ABHD14A: variants seen among roughly 807,000 people sequenced by gnomAD.
ABHD14A encodes protein ABHD14A.
Under a neutral mutation model 27.0 loss-of-function variants are expected in ABHD14A, and 19 were observed. The observed-to-expected ratio is 0.70, with a 90% confidence interval of 0.49 to 1.03. ABHD14A has a LOEUF of 1.03. Ranked by LOEUF, ABHD14A falls within the 50% of genes least tolerant of loss-of-function variation. The pLI is 0.00. For synonymous variants in ABHD14A, 148 were observed against 158.8 expected (o/e 0.93, Z 0.51); for missense variants, 311 against 344.6 (o/e 0.90, Z 0.77).
chr3:51,978,209 G>C (rs200892968), intron 2 of ABHD14A, 50 bp from the exon 3 acceptor site: 1 of 1,532,960 alleles, frequency 6.5e-7, no homozygotes, highest in East Asian at 2.5e-5. Flanking sequence ...AATAAAGAAA[G>C]GTGGGCTACA....
Position 51,975,221 on chromosome 3 carries a change from AG to A in ABHD14A, c.69+20del. On this transcript the variant is annotated intron_variant, in intron 1 of 4. Transcript: ENST00000273596. ...TTGGGCCCGGTGAGTCTCCCGGGGG[AG>A]GGAGGCCGGCCGGTGGCCCAGGGGA... 8.0e-7 allele frequency: 1 copy of A among 1,249,034 alleles called. No homozygotes were observed. Among genetic ancestry groups the A allele is most frequent in the East Asian group, 3.2e-5 (1 of 31,598 alleles). The allele number at this position is 1,249,034 out of a possible 1,614,324, so 77.4% of individuals were successfully genotyped here. A position where few individuals can be genotyped will look rare whatever the true frequency, so the allele number is the denominator to read the frequency against.
Position 51,980,874 on chromosome 3 carries a change from C to T in ABHD14A, c.672C>T (p.Ile224=). ...TLILYGELDH[I]LARESLRQLR... is the part of the protein sequence containing the mutation. ...TCCTGTATGGAGAGCTGGACCACATCCTGGCTCGAGAGTCACTGCGGCAGC... is the reference window on the plus strand; with the variant it reads ...TCCTGTATGGAGAGCTGGACCACATTCTGGCTCGAGAGTCACTGCGGCAGC... Residue 224 remains isoleucine, a synonymous_variant, in exon 5 of 5, where the codon ATC becomes ATT. Transcript: ENST00000273596. 2 of 1,614,142 alleles carry T rather than the reference C, an allele frequency of 1.2e-6. No homozygotes were observed. The highest frequency in any genetic ancestry group is 1.7e-6 in the Non-Finnish European group (2 of 1,180,018).
rs748322530 is a variant in ABHD14A at position 51,980,855 on chromosome 3, A to C, written c.653A>C (p.Tyr218Ser). 6.8e-6 allele frequency: 11 copies of C among 1,613,986 alleles called. No individual in the cohort carries two copies. The highest frequency in any genetic ancestry group is 9.3e-6 in the Non-Finnish European group (11 of 1,179,948). Residue 218 changes from tyrosine to serine, a missense_variant, in exon 5 of 5, where the codon TAT (tyrosine) becomes TCT (serine). Physicochemically the swap from Tyr to Ser is moderately radical, Grantham distance 144. Coordinates refer to ENST00000273596, the MANE Select transcript of ABHD14A (RefSeq NM_015407.5). ...WAVKTPTLILYGELDHILARE... is the reference protein window; with the variant it reads ...WAVKTPTLILSGELDHILARE... Reference sequence around the variant, plus strand: ...CTGCAGACTCCAACCCTTATCCTGTATGGAGAGCTGGACCACATCCTGGCT... The same window carrying C: ...CTGCAGACTCCAACCCTTATCCTGTCTGGAGAGCTGGACCACATCCTGGCT...
chr3:51,978,461 G>A (rs1451722373), intron 3 of ABHD14A, 87 bp downstream of exon 3: 5 of 944,914 alleles, frequency 5.3e-6, no homozygotes, highest in African/African-American at 5.0e-5. Context: ...GCCGTGGCAG[G>A]TCACAACATA....
chr3:51,979,481 G>GT (rs1233416677), intron 3 of ABHD14A, among the ~76,000 whole-genome samples: 55 of 143,830 alleles, frequency 3.8e-4, no homozygotes, highest in South Asian at 8.8e-4. Context: ...TTCTTTTTTT[G>GT]TTTTTTGTTT....
intron 3 of ABHD14A, 79 bp from the exon 4 acceptor site, chr3:51,980,313 CT>C: frequency 2.2e-6 from 3 of 1,387,094 alleles, no homozygotes; most frequent in Non-Finnish European, 3.1e-6. Context: ...TGGTCCCCAA[CT>C]TTTTCCCCCA....
At chr3:51,978,457 G>C in intron 3 of ABHD14A, 83 bp downstream of exon 3, 1 of 1,021,562 alleles carries the variant, frequency 9.8e-7, no homozygotes, top group Non-Finnish European at 1.4e-6. Context: ...ACAGGCCGTG[G>C]CAGGTCACAA....
At chr3:51,975,279 GC>G in intron 1 of ABHD14A, 75 bp downstream of exon 1, 1 of 1,215,816 alleles carries the variant, frequency 8.2e-7, no homozygotes, top group Non-Finnish European at 1.0e-6. Context: ...TTGCCCCGGC[GC>G]CCCGGGGCAG....
intron 3 of ABHD14A, chr3:51,979,077 A>G: frequency 5.2e-6 from 1 of 191,286 alleles, no homozygotes; most frequent in South Asian, 6.3e-5. Flanking sequence ...TAAGAAGTTT[A>G]GGGGATGCCA....
At chr3:51,978,542 G>A in intron 3 of ABHD14A, 168 bp downstream of exon 3, 1 of 464,666 alleles carries the variant, frequency 2.2e-6, no homozygotes, top group Non-Finnish European at 3.8e-6. Flanking sequence ...TCTAGGTCAT[G>A]GAGCAAATAA....
rs1577718744 is a variant in ABHD14A, at chr3:51,980,573, C to G, written c.578C>G (p.Pro193Arg). Residue 193 changes from proline (P) to arginine (R), a missense_variant, in exon 4 of 5, where the codon CCC (proline) becomes CGC (arginine). Physicochemically the swap from Pro to Arg is moderately radical, Grantham distance 103. Transcript: ENST00000273596. ...RGHHQLHGFVPIAPTSTQNYT... is the reference protein window; with the variant it reads ...RGHHQLHGFVRIAPTSTQNYT... ...CACCACCAGCTACATGGATTTGTGC[C>G]CATCGCACCCACCTCCACCCAGAAC... 6.2e-7 allele frequency: 1 copy of G among 1,609,112 alleles called. No homozygotes were observed. Among genetic ancestry groups the G allele is most frequent in the Non-Finnish European group, 8.5e-7 (1 of 1,177,970 alleles).
At chr3:51,975,557 G>C (rs1038297787) in intron 1 of ABHD14A, among the ~76,000 whole-genome samples, 8 of 151,828 alleles carry the variant, frequency 5.3e-5, no homozygotes, top group African/African-American at 1.9e-4. Flanking sequence ...GTGTCTACCT[G>C]TCTGCGTGTG....
chr3:51,978,243 CCCTGTG>C lies in ABHD14A; in HGVS notation c.282-15_282-10del. The C allele has an allele frequency of 6.5e-7, 1 of 1,546,398 alleles. No homozygotes were observed. Among genetic ancestry groups the C allele is most frequent in the South Asian group, 1.2e-5 (1 of 83,876 alleles). On this transcript the variant is annotated splice_polypyrimidine_tract_variant and intron_variant, in intron 2 of 4. Coordinates refer to ENST00000273596, the MANE Select transcript of ABHD14A (RefSeq NM_015407.5). ...CACCAGGTTCCCAGCAAACACATTCCCCTGTGTGCCTGCAGGGTGGAGGTGGTGCTG... is the reference window on the plus strand; with the variant it reads ...CACCAGGTTCCCAGCAAACACATTCCTGCCTGCAGGGTGGAGGTGGTGCTG...
At chr3:51,975,386 T>C (rs1229948628) in intron 1 of ABHD14A, among the ~76,000 whole-genome samples, 182 bp downstream of exon 1, 1 of 144,484 alleles carries the variant, frequency 6.9e-6, no homozygotes, top group Admixed American at 6.9e-5. Flanking sequence ...TTCTTGGGGG[T>C]CTGGGTGTAT....
Position 51,975,069 on chromosome 3 carries a change from C to G in ABHD14A, c.-67C>G. 1 of 1,265,960 alleles carries G rather than the reference C, an allele frequency of 7.9e-7. No individual in the cohort carries two copies. The highest frequency in any genetic ancestry group is 9.9e-7 in the Non-Finnish European group (1 of 1,005,044). 78.4% of individuals were successfully genotyped at this position (1,265,960 alleles called of 1,614,324 possible). On this transcript the variant is annotated 5_prime_UTR_variant, in exon 1 of 5. Transcript: ENST00000273596. ...GGCCCGCGGCTGCGGAGTGCGCAGGCGCGCCGAGATGGCCGCGCTCCTGGC... is the reference window on the plus strand; with the variant it reads ...GGCCCGCGGCTGCGGAGTGCGCAGGGGCGCCGAGATGGCCGCGCTCCTGGC...
At chr3:51,977,770 T>A (rs1179630905) in intron 1 of ABHD14A, 101 bp from the exon 2 acceptor site, 15 of 1,130,126 alleles carry the variant, frequency 1.3e-5, no homozygotes, top group East Asian at 2.4e-5. Flanking sequence ...GGGCTGGAGC[T>A]CTTCCTCTGC....
chr3:51,975,274 C>T (rs1167835080), intron 1 of ABHD14A, 70 bp downstream of exon 1: 4 of 1,221,370 alleles, frequency 3.3e-6, no homozygotes, highest in Non-Finnish European at 4.1e-6. Context: ...GCCCCTTGCC[C>T]CGGCGCCCCG....
chr3:51,981,152 C>A lies in ABHD14A; in HGVS notation c.*134C>A. 3 of 901,614 alleles carry A rather than the reference C, an allele frequency of 3.3e-6. No individual in the cohort carries two copies. The highest frequency in any genetic ancestry group is 5.0e-6 in the Non-Finnish European group (3 of 594,062). 55.9% of individuals were successfully genotyped at this position (901,614 alleles called of 1,614,324 possible). On this transcript the variant is annotated 3_prime_UTR_variant, in exon 5 of 5. Coordinates refer to ENST00000273596, the MANE Select transcript of ABHD14A (RefSeq NM_015407.5). ...CAGACCCAGCCAGGACTCCTCATTT[C>A]ATCTCACAGACACAATAAAAAAGCA...
chr3:51,980,830 C>T lies in ABHD14A; in HGVS notation c.634-6C>T, dbSNP rs761474724. Reference sequence around the variant, plus strand: ...CAAGATCACAGCCCCCTGCCTTGCCCTGCAGACTCCAACCCTTATCCTGTA... The same window carrying T: ...CAAGATCACAGCCCCCTGCCTTGCCTTGCAGACTCCAACCCTTATCCTGTA... On this transcript the variant is annotated splice_polypyrimidine_tract_variant and splice_region_variant and intron_variant, in intron 4 of 4. Transcript: ENST00000273596. 30 of 1,608,124 alleles carry T rather than the reference C, an allele frequency of 1.9e-5. No homozygotes were observed. Among genetic ancestry groups the T allele is most frequent in the African/African-American group, 4.0e-5 (3 of 74,932 alleles).
Sources: allele counts gnomAD v4.1 joint callset (sites outside exome capture counted in the v4.1 genomes callset), GRCh38; gene constraint gnomAD v4.1.1; transcripts MANE v1.5; gene names NCBI Gene and HGNC (gene_info 2026-07-23, HGNC 2026-07-21).